Variants in RAB38 observed in about 807,000 individuals in gnomAD.
RAB38 encodes the protein RAB38, member RAS oncogene family, also known as ras-related protein Rab-38.
RAB38 carries 15 observed loss-of-function variants against 18.4 expected under a neutral mutation model. That is an observed-to-expected ratio of 0.82 (90% CI 0.55 to 1.26). The LOEUF (loss-of-function observed/expected upper bound fraction) is 1.26. RAB38 is among the 50% of genes most tolerant of loss of function. The pLI is 0.00. For synonymous variants in RAB38, 101 were observed against 104.4 expected (o/e 0.97, Z 0.20); for missense variants, 294 against 267.4 (o/e 1.10, Z -0.69).
At chr11:88,111,753 T>C (rs191901649), downstream of RAB38, among the ~76,000 whole-genome samples, 19 of 152,346 alleles carry the variant, frequency 1.2e-4, no homozygotes, top group East Asian at 2.9e-3. Context: ...CAATCACTAC[T>C]GAGTTTCTCA....
the RAB38 span, among the ~76,000 whole-genome samples, chr11:87,881,110 G>C: frequency 1.3e-5 from 2 of 151,790 alleles, no homozygotes; most frequent in Non-Finnish European, 2.9e-5. Flanking sequence ...CTCTCAAATT[G>C]CTGGGATTAA....
the RAB38 span, among the ~76,000 whole-genome samples, chr11:88,017,738 A>T: frequency 6.9e-6 from 1 of 144,806 alleles, no homozygotes; most frequent in Non-Finnish European, 1.5e-5. Context: ...ATATATATAT[A>T]ATATATATTT....
chr11:88,026,177 C>A, the RAB38 span, among the ~76,000 whole-genome samples: 1 of 151,930 alleles, frequency 6.6e-6, no homozygotes, highest in Admixed American at 6.6e-5. Context: ...GTTGGTCAGA[C>A]TGGTCTTAAA....
chr11:87,962,617 T>C, the RAB38 span, among the ~76,000 whole-genome samples: 563 of 152,238 alleles, frequency 3.7e-3, 4 homozygotes, highest in African/African-American at 0.013. Flanking sequence ...AGTTTTCAAC[T>C]AATATATAGT....
At chr11:88,027,546 A>T in the RAB38 span, among the ~76,000 whole-genome samples, 2 of 152,238 alleles carry the variant, frequency 1.3e-5, no homozygotes, top group Non-Finnish European at 2.9e-5. Flanking sequence ...GACGGCCTTA[A>T]AAAACGGCGC....
the RAB38 span, among the ~76,000 whole-genome samples, chr11:87,963,648 TTTC>T: frequency 1.4e-5 from 2 of 143,066 alleles, no homozygotes; most frequent in Non-Finnish European, 1.6e-5. Flanking sequence ...TATTTCTTTT[TTTC>T]TTTTTTTTTT....
intron 1 of RAB38, among the ~76,000 whole-genome samples, chr11:88,164,465 C>T (rs1028876159): frequency 3.9e-5 from 6 of 151,958 alleles, no homozygotes; most frequent in African/African-American, 1.2e-4. Flanking sequence ...AAGCAAAAAT[C>T]ATGTGAAAAT....
At chr11:87,830,999 C>T in the RAB38 span, among the ~76,000 whole-genome samples, 1 of 151,958 alleles carries the variant, frequency 6.6e-6, no homozygotes, top group African/African-American at 2.4e-5. Context: ...TAGAGATGGG[C>T]CTTTGCCATG....
chr11:88,066,514 G>T, the RAB38 span, among the ~76,000 whole-genome samples: 1 of 152,168 alleles, frequency 6.6e-6, no homozygotes, highest in Non-Finnish European at 1.5e-5. Flanking sequence ...CAATCTATGT[G>T]ATATAGTTAC....
At chr11:88,126,231 G>A (rs1942693112) in intron 2 of RAB38, among the ~76,000 whole-genome samples, 1 of 152,034 alleles carries the variant, frequency 6.6e-6, no homozygotes, top group South Asian at 2.1e-4. Context: ...ACTTTAAAGT[G>A]GTTTTTTAAG....
chr11:87,833,079 G>C, the RAB38 span, among the ~76,000 whole-genome samples: 2 of 152,114 alleles, frequency 1.3e-5, no homozygotes, highest in African/African-American at 4.8e-5. Flanking sequence ...ATCTGCTTTT[G>C]TTCTTGCTCC....
chr11:87,915,399 C>T, the RAB38 span, among the ~76,000 whole-genome samples: 12 of 152,164 alleles, frequency 7.9e-5, no homozygotes, highest in African/African-American at 1.2e-4. Context: ...ACCAAGATGG[C>T]GACAAAACTG....
At chr11:87,892,271 A>C in the RAB38 span, among the ~76,000 whole-genome samples, 3 of 151,778 alleles carry the variant, frequency 2.0e-5, no homozygotes, top group Non-Finnish European at 2.9e-5. Context: ...TTACTTTTCT[A>C]TTTCCTTGGT....
chr11:88,016,557 A>T, the RAB38 span, among the ~76,000 whole-genome samples: 5 of 152,126 alleles, frequency 3.3e-5, no homozygotes, highest in Non-Finnish European at 7.4e-5. Context: ...GCTTCCTAAC[A>T]GACCTTGATA....
chr11:88,061,075 C>T, the RAB38 span, among the ~76,000 whole-genome samples: 7 of 152,210 alleles, frequency 4.6e-5, no homozygotes, highest in South Asian at 4.1e-4. Context: ...CAACATTATC[C>T]GTGCCCTACA....
the RAB38 span, among the ~76,000 whole-genome samples, chr11:87,968,493 A>C: frequency 9.7e-4 from 147 of 152,280 alleles, no homozygotes; most frequent in Middle Eastern, 6.8e-3. Flanking sequence ...TGTATGCCAT[A>C]AACATCTTTC....
chr11:88,082,321 GA>G, the RAB38 span, among the ~76,000 whole-genome samples: 12 of 150,494 alleles, frequency 8.0e-5, no homozygotes, highest in South Asian at 4.2e-4. Flanking sequence ...ATATTAGAAA[GA>G]AAAAAAAATA....
the RAB38 span, among the ~76,000 whole-genome samples, chr11:88,097,264 T>C: frequency 1.3e-5 from 2 of 151,832 alleles, no homozygotes; most frequent in Non-Finnish European, 2.9e-5. Context: ...ATGCAAAGCT[T>C]GGGCAAATTC....
chr11:87,829,483 G>A, the RAB38 span, among the ~76,000 whole-genome samples: 3 of 152,166 alleles, frequency 2.0e-5, no homozygotes, highest in Non-Finnish European at 2.9e-5. Flanking sequence ...GAAGAGGCAA[G>A]TCTTACATGG....
Sources: allele counts gnomAD v4.1 joint callset (sites outside exome capture counted in the v4.1 genomes callset), GRCh38; gene constraint gnomAD v4.1.1; transcripts MANE v1.5; gene names NCBI Gene and HGNC (gene_info 2026-07-23, HGNC 2026-07-21).